The following PLXNA4 variants were observed in gnomAD, a reference collection of about 807,000 sequenced individuals.
PLXNA4 encodes the protein plexin-A4.
PLXNA4 carries 44 observed loss-of-function variants against 191.8 expected under a neutral mutation model. The observed-to-expected ratio is 0.23, with a 90% CI of 0.18 to 0.29. The LOEUF (loss-of-function observed/expected upper bound fraction) is 0.29, where lower values mean the gene tolerates loss of function less well. Among genes scored for constraint, PLXNA4 ranks in the 10% least tolerant of loss-of-function variants. The probability of loss-of-function intolerance (pLI) is 1.00; values close to 1 mark genes in which losing one functional copy is unlikely to be tolerated. For missense variants in PLXNA4, 1,800 were observed against 2,488.8 expected, an observed-to-expected ratio of 0.72 and a Z score of 5.89; for synonymous variants, 1,082 against 1,009.5, an observed-to-expected ratio of 1.07 and a Z score of -1.36.
At chr7:132,265,397 C>T (rs1202086599) in intron 4 of PLXNA4, among the ~76,000 whole-genome samples, 1 of 152,140 alleles carries the variant, frequency 6.6e-6, no homozygotes, top group East Asian at 1.9e-4. Context: ...CAACGCAGCA[C>T]CTTAAAAGTT....
chr7:132,390,518 A>G (rs906662748), intron 3 of PLXNA4, among the ~76,000 whole-genome samples: 1 of 152,164 alleles, frequency 6.6e-6, no homozygotes, highest in Non-Finnish European at 1.5e-5. Context: ...ATACCTATGT[A>G]ACAAACCTGC....
chr7:132,471,163 A>G (rs983015566), intron 3 of PLXNA4, among the ~76,000 whole-genome samples: 5 of 152,102 alleles, frequency 3.3e-5, no homozygotes, highest in African/African-American at 1.2e-4. Context: ...CTGCTGCCTT[A>G]TCTATGTGAC....
upstream of PLXNA4, among the ~76,000 whole-genome samples, chr7:132,580,669 T>C (rs1346972999): frequency 6.6e-6 from 1 of 152,196 alleles, no homozygotes; most frequent in Non-Finnish European, 1.5e-5. Flanking sequence ...GAAGAAACTC[T>C]TAAGTTTCCC....
intron 2 of PLXNA4, among the ~76,000 whole-genome samples, chr7:132,601,237 T>A (rs998072625): frequency 2.0e-5 from 3 of 151,890 alleles, no homozygotes; most frequent in African/African-American, 7.3e-5. Context: ...ACATATCTAT[T>A]TAAAGAAACC....
chr7:132,205,027 G>C (rs7787365), intron 10 of PLXNA4, among the ~76,000 whole-genome samples: 41,306 of 152,104 alleles, frequency 0.27, 7,178 homozygotes, highest in East Asian at 0.64. Flanking sequence ...ACGTACCCCC[G>C]TCGTTGAATC....
chr7:132,239,139 C>T (rs1270143318), intron 5 of PLXNA4, among the ~76,000 whole-genome samples: 1 of 152,250 alleles, frequency 6.6e-6, no homozygotes, highest in Non-Finnish European at 1.5e-5. Context: ...GCCCAGACTT[C>T]ACCTTGGCCT....
chr7:132,602,264 C>T (rs554597643), intron 2 of PLXNA4, among the ~76,000 whole-genome samples: 13 of 152,298 alleles, frequency 8.5e-5, no homozygotes, highest in African/African-American at 3.1e-4. Context: ...GAGCTTGACT[C>T]TCAAAGGGCT....
chr7:132,145,077 G>A (rs377298220), intron 29 of PLXNA4, 42 bp downstream of exon 29: 198 of 1,612,418 alleles, frequency 1.2e-4, no homozygotes, highest in Middle Eastern at 5.5e-4. Flanking sequence ...GGCTGGGTGG[G>A]CTCAGGGCTC....
At position 132,393,197 on chromosome 7, in the gene PLXNA4, C is replaced by A. The variant is rs12533871; in HGVS notation, c.1372-94975G>T. On this transcript the variant is annotated intron_variant, in intron 3 of 31. Transcript: ENST00000321063. ...GCAACATTGACCCCCAACACCCCCC[C>A]CCACCACCACCACCACTGACCCCAG... 1.9e-3 allele frequency among the ~76,000 whole-genome samples: 257 copies of A among 135,472 alleles called. 1 individual carries two copies. The highest frequency in any genetic ancestry group is 3.8e-3 in the African/African-American group (130 of 34,034). 88.9% of individuals were successfully genotyped at this position (135,472 alleles called of 152,430 possible).
chr7:132,645,290 T>C (rs994862856), intron 2 of PLXNA4, among the ~76,000 whole-genome samples: 3 of 152,054 alleles, frequency 2.0e-5, no homozygotes, highest in African/African-American at 7.3e-5. Flanking sequence ...TGGGAGGTGA[T>C]TGGATCGTGG....
At chr7:132,645,323 C>G (rs575161364) in intron 2 of PLXNA4, among the ~76,000 whole-genome samples, 4 of 152,116 alleles carry the variant, frequency 2.6e-5, no homozygotes, top group Non-Finnish European at 5.9e-5. Flanking sequence ...GCATGCTGTT[C>G]TCATGACAGT....
chr7:132,529,607 C>CTTTTTTTTTTTT (rs35449894), intron 1 of PLXNA4, among the ~76,000 whole-genome samples: 1 of 136,156 alleles, frequency 7.3e-6, no homozygotes, highest in African/African-American at 2.8e-5. Flanking sequence ...AATAGGTATT[C>CTTTTTTTTTTTT]TTTTTTTTTT....
At chr7:132,301,094 G>A (rs1801288181) in intron 3 of PLXNA4, among the ~76,000 whole-genome samples, 1 of 152,184 alleles carries the variant, frequency 6.6e-6, no homozygotes, top group African/African-American at 2.4e-5. Context: ...ATGCAGATTA[G>A]TCCCCACCCT....
chr7:132,264,260 C>T (rs1326775734), intron 4 of PLXNA4: 1 of 152,208 alleles, frequency 6.6e-6, no homozygotes, highest in Non-Finnish European at 1.5e-5. Flanking sequence ...CCATCAGAAC[C>T]CTCTCCCCTG....
chr7:132,384,553 T>G (rs1805036584), intron 3 of PLXNA4: 1 of 986,680 alleles, frequency 1.0e-6, no homozygotes, highest in African/African-American at 1.7e-5. Context: ...TTTTGGGTGC[T>G]CTCCTGGACC....
intron 21 of PLXNA4, 84 bp from the exon 22 acceptor site, chr7:132,168,656 C>T (rs1235765624): frequency 1.4e-6 from 2 of 1,472,150 alleles, no homozygotes; most frequent in South Asian, 1.4e-5. Flanking sequence ...TGCCCATATC[C>T]ATGACCCTCT....
At chr7:132,241,471 C>T (rs1487167735) in intron 4 of PLXNA4, among the ~76,000 whole-genome samples, 1 of 152,160 alleles carries the variant, frequency 6.6e-6, no homozygotes, top group Admixed American at 6.5e-5. Flanking sequence ...AGTTTTCTAC[C>T]TCTGAAACCA....
intron 9 of PLXNA4, among the ~76,000 whole-genome samples, chr7:132,218,179 G>A (rs1023909770): frequency 2.6e-5 from 4 of 152,298 alleles, no homozygotes; most frequent in East Asian, 3.9e-4. Flanking sequence ...CAGTCCTGGA[G>A]AGGACTTGAT....
At chr7:132,147,774 A>C in intron 27 of PLXNA4, 126 bp downstream of exon 27, 2 of 1,295,984 alleles carry the variant, frequency 1.5e-6, no homozygotes, top group Non-Finnish European at 2.1e-6. Flanking sequence ...CTCTTCCCCG[A>C]TGGTCAGCCT....
Sources: gnomAD v4.1 joint callset for allele counts (sites outside exome capture counted in the v4.1 genomes callset) on GRCh38, gnomAD v4.1.1 for gene constraint, MANE v1.5 for transcripts, NCBI Gene and HGNC (gene_info 2026-07-23, HGNC 2026-07-21) for gene names.